Variants in RBFOX1 observed in about 807,000 individuals in gnomAD.
RBFOX1 encodes RNA binding protein fox-1 homolog 1.
Under a neutral mutation model 57.7 loss-of-function variants are expected in RBFOX1, and 8 were observed. The ratio of observed to expected loss-of-function variants is 0.14; its 90% CI spans 0.08 to 0.25. The LOEUF is 0.25. Ranked by LOEUF, RBFOX1 falls within the 10% of genes least tolerant of loss-of-function variation. The pLI is 1.00. For synonymous variants in RBFOX1, 326 were observed against 222.4 expected, an observed-to-expected ratio of 1.47 and a Z score of -4.15; for missense variants, 611 against 548.5, an observed-to-expected ratio of 1.11 and a Z score of -1.14.
At chr16:7,607,009 G>C (rs7359427) in intron 9 of RBFOX1, among the ~76,000 whole-genome samples, 59 of 152,218 alleles carry the variant, frequency 3.9e-4, no homozygotes, top group African/African-American at 1.3e-3. Context: ...TGATGGAGTA[G>C]AAAATTAATT....
Position 5,872,761 on chromosome 16 carries a change from A to G in RBFOX1, c.351+5426A>G, listed in dbSNP as rs78297775. On this transcript the variant is annotated intron_variant, in intron 4 of 19. Transcript: ENST00000641259. The stretch of plus-strand genomic sequence containing the variant: ...AAAAAAAAAGAAAAAAAGAAAGAAA[A>G]TAATACAATGCTTAAGACAGAGCCT... 9.6e-3 allele frequency among the ~76,000 whole-genome samples: 1,461 copies of G among 152,242 alleles called. 10 individuals are homozygous for G. The highest frequency in any genetic ancestry group is 0.015 in the Non-Finnish European group (1,020 of 68,018).
intron 2 of RBFOX1, among the ~76,000 whole-genome samples, chr16:5,577,106 C>T (rs1239577643): frequency 6.6e-6 from 1 of 152,212 alleles, no homozygotes; most frequent in African/African-American, 2.4e-5. Flanking sequence ...CCAAGTTGGT[C>T]TCTCTCTCTT....
At chr16:5,894,808 T>G (rs1597676966) in intron 4 of RBFOX1, among the ~76,000 whole-genome samples, 1 of 151,880 alleles carries the variant, frequency 6.6e-6, no homozygotes, top group South Asian at 2.1e-4. Flanking sequence ...GATCACGAGG[T>G]CAGGAGATCG....
At chr16:5,702,467 C>T (rs941933271) in intron 3 of RBFOX1, among the ~76,000 whole-genome samples, 4 of 152,176 alleles carry the variant, frequency 2.6e-5, no homozygotes, top group Non-Finnish European at 4.4e-5. Flanking sequence ...AACCATATCA[C>T]CTTGGTAATC....
rs117200441 is a variant in RBFOX1 at position 7,453,456 on chromosome 16, T to C, written c.28-64691T>C. Among the ~76,000 whole-genome samples, 26 of 152,304 alleles carry C rather than the reference T, an allele frequency of 1.7e-4. No individual in the cohort carries two copies. The East Asian group carries it at 4.8e-3, about 28-fold the overall frequency. On this transcript the variant is annotated intron_variant, in intron 4 of 15. Transcript: ENST00000550418. ...ATGATCGGGAGTTATGACTTTATCCTAAGAATAGGGATTCATTAAAGGTTT... is the reference window on the plus strand; with the variant it reads ...ATGATCGGGAGTTATGACTTTATCCCAAGAATAGGGATTCATTAAAGGTTT...
chr16:6,789,398 C>T (rs1184969697), intron 3 of RBFOX1, among the ~76,000 whole-genome samples: 1 of 152,072 alleles, frequency 6.6e-6, no homozygotes, highest in East Asian at 1.9e-4. Context: ...GTGTTAATAT[C>T]AATTTTATAA....
At chr16:6,774,462 C>T (rs1005077529) in intron 3 of RBFOX1, among the ~76,000 whole-genome samples, 4 of 151,762 alleles carry the variant, frequency 2.6e-5, no homozygotes, top group African/African-American at 9.7e-5. Flanking sequence ...ATATCAACAA[C>T]CCAATTACCT....
intron 1 of RBFOX1, among the ~76,000 whole-genome samples, chr16:5,343,034 C>G (rs139966441): frequency 6.6e-5 from 10 of 152,266 alleles, no homozygotes; most frequent in African/African-American, 2.2e-4. Context: ...CATTCCATTA[C>G]CACATTAATC....
intron 4 of RBFOX1, among the ~76,000 whole-genome samples, chr16:7,444,834 C>T (rs892299764): frequency 6.6e-6 from 1 of 152,140 alleles, no homozygotes; most frequent in Non-Finnish European, 1.5e-5. Flanking sequence ...GCCCCACTGA[C>T]ATTTTACTCT....
At chr16:5,582,635 C>G (rs1275771885) in intron 2 of RBFOX1, among the ~76,000 whole-genome samples, 1 of 139,348 alleles carries the variant, frequency 7.2e-6, no homozygotes, top group African/African-American at 2.7e-5. Context: ...GCTGCAGTGT[C>G]TGCCTCCTGT....
intron 1 of RBFOX1, among the ~76,000 whole-genome samples, chr16:6,056,315 T>C (rs2095614001): frequency 6.6e-6 from 1 of 152,208 alleles, no homozygotes; most frequent in African/African-American, 2.4e-5. Flanking sequence ...AAGTGAGGTT[T>C]TGGAATCTGG....
intron 3 of RBFOX1, among the ~76,000 whole-genome samples, chr16:6,947,531 A>G (rs1412771111): frequency 1.3e-5 from 2 of 152,126 alleles, no homozygotes; most frequent in East Asian, 3.9e-4. Context: ...GAGATGAGAG[A>G]AATCCTCCTG....
At chr16:7,531,028 G>C (rs1405649614) in intron 5 of RBFOX1, among the ~76,000 whole-genome samples, 2 of 152,072 alleles carry the variant, frequency 1.3e-5, no homozygotes, top group African/African-American at 4.8e-5. Context: ...GTAAACCAAG[G>C]TTTTCAGCCT....
chr16:6,402,082 G>C (rs1346479661), intron 2 of RBFOX1, among the ~76,000 whole-genome samples: 2 of 149,378 alleles, frequency 1.3e-5, no homozygotes, highest in Admixed American at 1.3e-4. Flanking sequence ...GATGACTGGG[G>C]AGAAGAAAAC....
At chr16:7,319,429 CATT>C (rs1369675386) in intron 4 of RBFOX1, among the ~76,000 whole-genome samples, 1 of 152,138 alleles carries the variant, frequency 6.6e-6, no homozygotes, top group Non-Finnish European at 1.5e-5. Flanking sequence ...GTCTGCCAAA[CATT>C]ATTTAAAAAG....
intron 2 of RBFOX1, among the ~76,000 whole-genome samples, chr16:6,523,229 C>G (rs2153806185): frequency 6.6e-6 from 1 of 151,904 alleles, no homozygotes; most frequent in African/African-American, 2.4e-5. Flanking sequence ...AGAGCAAGTA[C>G]TTGGGAAATA....
chr16:6,137,885 C>G (rs911202777), intron 1 of RBFOX1, among the ~76,000 whole-genome samples: 1 of 152,086 alleles, frequency 6.6e-6, no homozygotes, highest in Non-Finnish European at 1.5e-5. Flanking sequence ...GTTGGGATCA[C>G]AGACATGAAC....
chr16:6,004,275 G>A (rs1026054404), intron 4 of RBFOX1, among the ~76,000 whole-genome samples: 1 of 152,164 alleles, frequency 6.6e-6, no homozygotes, highest in African/African-American at 2.4e-5. Flanking sequence ...AGGCTCTGCT[G>A]CTTATTACCT....
intron 4 of RBFOX1, among the ~76,000 whole-genome samples, chr16:7,179,657 C>A (rs9934064): frequency 0.41 from 62,585 of 151,864 alleles, 13,502 homozygotes; most frequent in Non-Finnish European, 0.46. Flanking sequence ...AACAGCAACA[C>A]AATGAATTTA....
Sources: gnomAD v4.1 joint callset for allele counts (sites outside exome capture counted in the v4.1 genomes callset) on GRCh38, gnomAD v4.1.1 for gene constraint, MANE v1.5 for transcripts, NCBI Gene and HGNC (gene_info 2026-07-23, HGNC 2026-07-21) for gene names.